LRRTM4: variants seen among roughly 807,000 people sequenced by gnomAD.
LRRTM4 encodes the protein leucine-rich repeat transmembrane neuronal protein 4.
LRRTM4 carries 25 observed loss-of-function variants against 47.6 expected under a neutral mutation model. The observed-to-expected ratio is 0.53, with a 90% confidence interval of 0.38 to 0.73. The LOEUF is 0.73. Among genes scored for constraint, LRRTM4 ranks in the 30% least tolerant of loss-of-function variants. LRRTM4 has a pLI of 0.00. For synonymous variants in LRRTM4, 311 were observed against 269.5 expected, an observed-to-expected ratio of 1.15 and a Z score of -1.51; for missense variants, 638 against 713.4, an observed-to-expected ratio of 0.89 and a Z score of 1.20.
chr2:76,836,228 T>C (rs1446110765), intron 3 of LRRTM4, among the ~76,000 whole-genome samples: 1 of 151,838 alleles, frequency 6.6e-6, no homozygotes, highest in Non-Finnish European at 1.5e-5. Flanking sequence ...AGTAGAATAT[T>C]AGTATATTGG....
chr2:77,189,784 C>T (rs747788587), intron 3 of LRRTM4, among the ~76,000 whole-genome samples: 3 of 151,938 alleles, frequency 2.0e-5, no homozygotes, highest in Non-Finnish European at 4.4e-5. Flanking sequence ...CACACACACA[C>T]ATTTATATAT....
At chr2:76,862,722 C>T (rs1447272574) in intron 3 of LRRTM4, among the ~76,000 whole-genome samples, 5 of 152,208 alleles carry the variant, frequency 3.3e-5, no homozygotes, top group Non-Finnish European at 5.9e-5. Context: ...TGCAGTTTCT[C>T]TGTTAAACTG....
At chr2:77,443,008 G>C (rs1178859396) in intron 3 of LRRTM4, among the ~76,000 whole-genome samples, 1 of 152,082 alleles carries the variant, frequency 6.6e-6, no homozygotes, top group African/African-American at 2.4e-5. Flanking sequence ...TTATCTATTT[G>C]TATTACTAAT....
chr2:77,118,465 T>C (rs929419390), intron 3 of LRRTM4, among the ~76,000 whole-genome samples: 3 of 151,984 alleles, frequency 2.0e-5, no homozygotes, highest in Non-Finnish European at 4.4e-5. Flanking sequence ...ACATAGTTTC[T>C]TTCAGTCATG....
intron 3 of LRRTM4, among the ~76,000 whole-genome samples, chr2:76,804,749 C>A (rs989668679): frequency 2.6e-5 from 3 of 114,924 alleles, no homozygotes; most frequent in African/African-American, 8.0e-5. Flanking sequence ...ATATATATAT[C>A]ATTGTTTTAT....
chr2:76,771,524 T>A (rs1458882885), intron 3 of LRRTM4, among the ~76,000 whole-genome samples: 1 of 151,812 alleles, frequency 6.6e-6, no homozygotes, highest in Non-Finnish European at 1.5e-5. Flanking sequence ...CTTTTTTAAG[T>A]AGCTGCCTGG....
chr2:77,202,359 C>A (rs1674000779), intron 3 of LRRTM4, among the ~76,000 whole-genome samples: 1 of 151,940 alleles, frequency 6.6e-6, no homozygotes, highest in African/African-American at 2.4e-5. Flanking sequence ...CCTGACATTT[C>A]CAAGTCTGAA....
intron 3 of LRRTM4, among the ~76,000 whole-genome samples, chr2:76,843,758 G>A (rs1251503881): frequency 2.6e-5 from 4 of 152,140 alleles, no homozygotes; most frequent in Non-Finnish European, 4.4e-5. Flanking sequence ...TGGTAGCTGA[G>A]TCCAGGCAGT....
intron 3 of LRRTM4, among the ~76,000 whole-genome samples, chr2:77,074,922 C>T: frequency 1.7e-5 from 1 of 58,862 alleles, no homozygotes; most frequent in African/African-American, 1.7e-4. Context: ...ACTTTTTTTC[C>T]AAGATAACAA....
intron 3 of LRRTM4, among the ~76,000 whole-genome samples, chr2:77,136,869 G>A (rs1393549134): frequency 6.6e-6 from 1 of 151,834 alleles, no homozygotes; most frequent in Non-Finnish European, 1.5e-5. Context: ...TGGAAGAAAG[G>A]GTATGAGTGA....
intron 3 of LRRTM4, among the ~76,000 whole-genome samples, chr2:76,983,908 A>G (rs983961352): frequency 2.0e-5 from 3 of 152,134 alleles, no homozygotes; most frequent in African/African-American, 7.2e-5. Context: ...TTGTGTTTCT[A>G]GATGACATGC....
At chr2:77,288,947 T>C (rs970578438) in intron 3 of LRRTM4, among the ~76,000 whole-genome samples, 3 of 152,066 alleles carry the variant, frequency 2.0e-5, no homozygotes, top group African/African-American at 7.2e-5. Flanking sequence ...AATTCATCAG[T>C]TAATGCACCT....
At chr2:76,783,436 G>T (rs1674503771) in intron 3 of LRRTM4, among the ~76,000 whole-genome samples, 2 of 151,984 alleles carry the variant, frequency 1.3e-5, no homozygotes, top group African/African-American at 4.8e-5. Flanking sequence ...GTTCAGTTTT[G>T]TGGTGTGAAA....
intron 3 of LRRTM4, among the ~76,000 whole-genome samples, chr2:76,918,246 A>G (rs1398755343): frequency 6.6e-6 from 1 of 152,256 alleles, no homozygotes; most frequent in Non-Finnish European, 1.5e-5. Flanking sequence ...GTTGCTAAAA[A>G]AGGATTAAAA....
intron 3 of LRRTM4, among the ~76,000 whole-genome samples, chr2:76,915,221 T>G (rs568533747): frequency 6.6e-6 from 1 of 152,270 alleles, no homozygotes; most frequent in Admixed American, 6.5e-5. Flanking sequence ...GATGAACAGG[T>G]GGACTAATGG....
At chr2:76,812,318 GA>G (rs1553413438) in intron 3 of LRRTM4, among the ~76,000 whole-genome samples, 3 of 152,204 alleles carry the variant, frequency 2.0e-5, no homozygotes, top group Non-Finnish European at 4.4e-5. Context: ...CACTATAGAA[GA>G]ACTGACAGAA....
At chr2:76,830,507 AGTGTGTGC>A (rs1168158090) in intron 3 of LRRTM4, among the ~76,000 whole-genome samples, 3 of 119,026 alleles carry the variant, frequency 2.5e-5, no homozygotes, top group African/African-American at 1.1e-4. Context: ...TATGTGTGGC[AGTGTGTGC>A]GTGTGTGTGT....
chr2:77,021,117 T>C (rs1437582614), intron 3 of LRRTM4, among the ~76,000 whole-genome samples: 2 of 151,702 alleles, frequency 1.3e-5, no homozygotes, highest in African/African-American at 4.9e-5. Flanking sequence ...TATGTATCTA[T>C]CTATCTATCT....
intron 3 of LRRTM4, among the ~76,000 whole-genome samples, chr2:76,901,939 C>T (rs72821263): frequency 0.017 from 2,593 of 152,252 alleles, 63 homozygotes; most frequent in East Asian, 0.084. Flanking sequence ...AATTCCTTTG[C>T]TCTGTGGGCT....
Sources: allele counts gnomAD v4.1 joint callset (sites outside exome capture counted in the v4.1 genomes callset), GRCh38; gene constraint gnomAD v4.1.1; transcripts MANE v1.5; gene names NCBI Gene and HGNC (gene_info 2026-07-23, HGNC 2026-07-21).